PLOD1: variants seen among roughly 807,000 people sequenced by gnomAD.
The protein encoded by PLOD1 is procollagen-lysine,2-oxoglutarate 5-dioxygenase 1, also known as lysine hydroxylase.
Under a neutral mutation model 94.7 loss-of-function variants are expected in PLOD1, and 70 were observed. The observed-to-expected ratio is 0.74, with a 90% confidence interval of 0.61 to 0.90. PLOD1 has a LOEUF of 0.90. Ranked by LOEUF, PLOD1 falls within the 40% of genes least tolerant of loss-of-function variation. The pLI, the probability that PLOD1 is intolerant of heterozygous loss-of-function variation, is 0.00. For missense variants in PLOD1, 905 were observed against 972.7 expected (o/e 0.93, Z 0.93); for synonymous variants, 417 against 400.2 (o/e 1.04, Z -0.50).
intron 1 of PLOD1, among the ~76,000 whole-genome samples, chr1:11,938,400 C>T (rs1179360162): frequency 6.6e-6 from 1 of 152,142 alleles, no homozygotes; most frequent in Non-Finnish European, 1.5e-5. Flanking sequence ...TTCATTTCTG[C>T]ACCTCTGGAC....
intron 4 of PLOD1, among the ~76,000 whole-genome samples, chr1:11,952,178 G>A (rs987832093): frequency 1.3e-5 from 2 of 152,212 alleles, no homozygotes; most frequent in African/African-American, 4.8e-5. Flanking sequence ...GGGCCCATGT[G>A]GGCTTCCCCA....
At chr1:11,962,195 G>T (rs563558446) in intron 10 of PLOD1, among the ~76,000 whole-genome samples, 115 of 151,864 alleles carry the variant, frequency 7.6e-4, no homozygotes, top group African/African-American at 2.6e-3. Flanking sequence ...CTCCCAGAGT[G>T]CTGGGATTAC....
chr1:11,969,122 G>A (rs1645843412), intron 16 of PLOD1, among the ~76,000 whole-genome samples: 1 of 149,526 alleles, frequency 6.7e-6, no homozygotes, highest in Non-Finnish European at 1.5e-5. Flanking sequence ...TGAGTAGCTA[G>A]GATTACAGGT....
Position 11,974,686 on chromosome 1 carries a change from TC to T in PLOD1, c.2064del (p.Ile689SerfsTer125). ...CTGTCGGTTCCTGCGCTACAACTGT[TC>T]CATCCGAGCCCCAAGGAAGGGCTGG... is the stretch of plus-strand genomic sequence containing the variant. ...GGCRFLRYNC[S>X]IRAPRKGWTL... On this transcript the variant is annotated frameshift_variant, in exon 19 of 19. Transcript: ENST00000196061. LOFTEE classifies it high-confidence loss of function. The T allele has an allele frequency of 6.2e-7, 1 of 1,613,904 alleles. No individual in the cohort carries two copies. Among genetic ancestry groups the T allele is most frequent in the Non-Finnish European group, 8.5e-7 (1 of 1,179,914 alleles).
chr1:11,949,874 CAAG>C lies in PLOD1; in HGVS notation c.271_273del (p.Lys91del), dbSNP rs777435127. On this transcript the variant is annotated inframe_deletion, in exon 3 of 19. Transcript: ENST00000196061. ...AGAAAGCTCTGGAGAAGCACGCAGA[CAAG>C]GAGGATCTGGTCATTCTCTTCGCAG... The C allele has an allele frequency of 1.3e-5, 21 of 1,614,032 alleles. No homozygotes were observed. In the South Asian group the frequency reaches 2.1e-4, roughly 16 times the overall value.
At chr1:11,936,345 G>A (rs1466309805) in intron 1 of PLOD1, among the ~76,000 whole-genome samples, 2 of 151,434 alleles carry the variant, frequency 1.3e-5, no homozygotes, top group African/African-American at 4.9e-5. Context: ...CATCTCCAGG[G>A]CTGTCCCGAG....
chr1:11,973,233 C>T lies in PLOD1; in HGVS notation c.2028+236C>T, dbSNP rs533956109. Among the ~76,000 whole-genome samples the T allele has an allele frequency of 2.6e-5, 4 of 152,310 alleles. No homozygotes were observed. The South Asian group carries it at 8.3e-4, about 32-fold the overall frequency. On this transcript the variant is annotated intron_variant, in intron 18 of 18. Transcript: ENST00000196061. ...GAGATTTTTGGGCTCGGCATGGTGG[C>T]TGATGCCTGCAATCCCAGCAGTTTG...
chr1:11,973,580 C>CTTT (rs976516109), intron 18 of PLOD1, among the ~76,000 whole-genome samples: 2,184 of 147,540 alleles, frequency 0.015, 46 homozygotes, highest in African/African-American at 0.044. Flanking sequence ...AGCTATAATC[C>CTTT]TTTTTTTTTT....
intron 5 of PLOD1, chr1:11,954,210 C>T: frequency 4.8e-6 from 1 of 207,478 alleles, no homozygotes; most frequent in South Asian, 6.5e-5. Context: ...TGGCTCACAC[C>T]TGTCATCCCA....
At chr1:11,965,701 C>T (rs1229872808) in intron 14 of PLOD1, 108 bp downstream of exon 14, 1 of 698,688 alleles carries the variant, frequency 1.4e-6, no homozygotes, top group Non-Finnish European at 2.6e-6. Context: ...CCCCTGTAGG[C>T]CACCTGCCAC....
intron 10 of PLOD1, 101 bp downstream of exon 10, chr1:11,960,868 T>C (rs1173341573): frequency 6.4e-7 from 1 of 1,553,104 alleles, no homozygotes; most frequent in East Asian, 2.3e-5. Context: ...CAGAAGGCTG[T>C]GTGTGCTCTA....
In PLOD1 at chr1:11,957,853, C is replaced by A; in HGVS notation, c.753C>A (p.Asn251Lys). 1 of 1,613,732 alleles carries A rather than the reference C, an allele frequency of 6.2e-7. No individual in the cohort carries two copies. Among genetic ancestry groups the A allele is most frequent in the Non-Finnish European group, 8.5e-7 (1 of 1,179,606 alleles). Residue 251 changes from asparagine to lysine, a missense_variant, in exon 8 of 19, where the codon AAC becomes AAA. Transcript: ENST00000196061. The surrounding 1 kb of genome is among the most constrained non-coding windows in gnomAD (Gnocchi z 4.1). ...HGNGPTKLQL[N>K]YLGNYIPRFW... ...CGTCTCCCCGACAGCTGCAGTTGAACTACCTGGGCAACTACATCCCGCGCT... is the reference window on the plus strand; with the variant it reads ...CGTCTCCCCGACAGCTGCAGTTGAAATACCTGGGCAACTACATCCCGCGCT...
In PLOD1 at chr1:11,950,407, G is replaced by C. The variant is rs781455578; in HGVS notation, c.353G>C (p.Arg118Pro). Residue 118 changes from arginine to proline, a missense_variant, in exon 4 of 19, where the codon CGG becomes CCG. Coordinates refer to ENST00000196061, the MANE Select transcript of PLOD1 (RefSeq NM_000302.4). Reference protein sequence around the residue: ...SGPRELLKKFRQARSQVVFSA... With the variant: ...SGPRELLKKFPQARSQVVFSA... Reference sequence around the variant, plus strand: ...CCCCGGGAGCTCCTGAAGAAGTTCCGGCAGGCCAGGAGCCAGGTGGTCTTC... The same window carrying C: ...CCCCGGGAGCTCCTGAAGAAGTTCCCGCAGGCCAGGAGCCAGGTGGTCTTC... 1.2e-6 allele frequency: 2 copies of C among 1,614,102 alleles called. No individual in the cohort carries two copies. Among genetic ancestry groups the C allele is most frequent in the Admixed American group, 1.7e-5 (1 of 60,014 alleles).
rs763229200 is a variant in PLOD1 at position 11,958,566 on chromosome 1, G to A, written c.894G>A (p.Thr298=). The change falls in exon 9 of 19, where the codon ACG becomes ACA. Residue 298 remains threonine, a synonymous_variant. Coordinates refer to ENST00000196061, the MANE Select transcript of PLOD1 (RefSeq NM_000302.4). The surrounding 1 kb of genome is among the most constrained non-coding windows in gnomAD (Gnocchi z 4.3). ...TCGGCGTGTTCATCGAACAGCCCAC[G>A]CCGTTTGTGTCCCTGTTCTTCCAGC... ...VLVGVFIEQP[T]PFVSLFFQRL... is the part of the protein sequence containing the mutation. The A allele has an allele frequency of 6.8e-6, 11 of 1,613,854 alleles. No homozygotes were observed. Among genetic ancestry groups the A allele is most frequent in the East Asian group, 2.2e-5 (1 of 44,882 alleles).
At chr1:11,935,357 G>A (rs1242025974) in intron 1 of PLOD1, among the ~76,000 whole-genome samples, 1 of 152,164 alleles carries the variant, frequency 6.6e-6, no homozygotes, top group Non-Finnish European at 1.5e-5. Context: ...TGGGAATGAG[G>A]GGTCTTGAGG....
chr1:11,954,542 C>T (rs373405401), intron 5 of PLOD1: 28 of 690,794 alleles, frequency 4.1e-5, no homozygotes, highest in Non-Finnish European at 7.2e-5. Flanking sequence ...TTGGCAGGTG[C>T]TGGTTACTCT....
chr1:11,949,889 C>T lies in PLOD1; in HGVS notation c.285C>T (p.Val95=). The change falls in exon 3 of 19, where the codon GTC becomes GTT. Residue 95 remains valine (V), a synonymous_variant. Coordinates refer to ENST00000196061, the MANE Select transcript of PLOD1 (RefSeq NM_000302.4). ...AGCACGCAGACAAGGAGGATCTGGT[C>T]ATTCTCTTCGCAGACAGGTAGGTGG... ...LEKHADKEDL[V]ILFADSYDVL... is the part of the protein sequence containing the mutation. 1.2e-6 allele frequency: 2 copies of T among 1,614,088 alleles called. No individual in the cohort carries two copies. The highest frequency in any genetic ancestry group is 2.2e-5 in the East Asian group (1 of 44,886).
rs1645798410 is a variant in PLOD1 at position 11,964,101 on chromosome 1, C to T, written c.1203-74C>T. 1.5e-5 allele frequency: 22 copies of T among 1,471,186 alleles called. No individual in the cohort carries two copies. The South Asian group carries it at 2.0e-4, about 14-fold the overall frequency. The allele number at this position is 1,471,186 out of a possible 1,614,324, so 91.1% of individuals were successfully genotyped here. ...TGCAGGTTGAGGGGCACCTACCTCC[C>T]CCCATCCCTGGTTAGTGCTGTCTCC... On this transcript the variant is annotated intron_variant, in intron 11 of 18. Transcript: ENST00000196061.
At chr1:11,962,658 A>G (rs1645787161) in intron 10 of PLOD1, among the ~76,000 whole-genome samples, 2 of 152,116 alleles carry the variant, frequency 1.3e-5, no homozygotes, top group South Asian at 4.1e-4. Context: ...TGGGAGGCCA[A>G]GGATTGCTTG....
Sources: allele counts gnomAD v4.1 joint callset (sites outside exome capture counted in the v4.1 genomes callset), GRCh38; gene constraint gnomAD v4.1.1; non-coding constraint Gnocchi (gnomAD v3.1); transcripts MANE v1.5; gene names NCBI Gene and HGNC (gene_info 2026-07-23, HGNC 2026-07-21).